The following ARHGAP18 variants were observed in gnomAD, a reference collection of about 807,000 sequenced individuals.
The protein encoded by ARHGAP18 is rho GTPase-activating protein 18.
ARHGAP18 carries 67 observed loss-of-function variants against 86.2 expected under a neutral mutation model. The observed-to-expected ratio is 0.78, with a 90% confidence interval of 0.64 to 0.95. ARHGAP18 has a LOEUF of 0.95. Ranked by LOEUF, ARHGAP18 falls within the 40% of genes least tolerant of loss-of-function variation. The pLI is 0.00. For missense variants in ARHGAP18, 691 were observed against 780.4 expected (o/e 0.89, Z 1.37); for synonymous variants, 283 against 280.4 (o/e 1.01, Z -0.09).
chr6:129,623,884 C>T (rs1789284568), intron 5 of ARHGAP18, among the ~76,000 whole-genome samples: 1 of 152,158 alleles, frequency 6.6e-6, no homozygotes, highest in Non-Finnish European at 1.5e-5. Flanking sequence ...AGTTCACGAT[C>T]AGGAAAGACT....
chr6:129,652,989 C>T (rs1388662724), intron 1 of ARHGAP18, among the ~76,000 whole-genome samples: 1 of 152,060 alleles, frequency 6.6e-6, no homozygotes, highest in Non-Finnish European at 1.5e-5. Flanking sequence ...AAAACATCAA[C>T]ACAAGGCAAT....
At chr6:129,613,925 T>C (rs567442231) in intron 7 of ARHGAP18, among the ~76,000 whole-genome samples, 4 of 152,194 alleles carry the variant, frequency 2.6e-5, no homozygotes, top group East Asian at 1.9e-4. Context: ...CTTATGTGAA[T>C]TGAAAAATGA....
chr6:129,643,519 C>A (rs963158732), intron 1 of ARHGAP18, among the ~76,000 whole-genome samples: 1 of 152,294 alleles, frequency 6.6e-6, no homozygotes, highest in South Asian at 2.1e-4. Context: ...GTCAATTAAA[C>A]CTCTTCCCTT....
At chr6:129,662,541 C>A (rs954719244) in intron 1 of ARHGAP18, among the ~76,000 whole-genome samples, 1 of 152,210 alleles carries the variant, frequency 6.6e-6, no homozygotes, top group Non-Finnish European at 1.5e-5. Context: ...TACATGCTTC[C>A]CTCTACAGCA....
At chr6:129,701,392 A>G (rs1181498334) in intron 1 of ARHGAP18, among the ~76,000 whole-genome samples, 2 of 152,254 alleles carry the variant, frequency 1.3e-5, no homozygotes, top group Non-Finnish European at 1.5e-5. Flanking sequence ...AAAAAGATCC[A>G]GAACAAGCCA....
chr6:129,700,694 G>A (rs898211991), intron 1 of ARHGAP18, among the ~76,000 whole-genome samples: 1 of 152,188 alleles, frequency 6.6e-6, no homozygotes, highest in African/African-American at 2.4e-5. Context: ...AAGCACTCAT[G>A]TAAGTATGTT....
rs1342014794 is a variant in ARHGAP18 at position 129,636,886 on chromosome 6, G to A, written c.552+1508C>T. Among the ~76,000 whole-genome samples the A allele has an allele frequency of 5.3e-5, 8 of 152,116 alleles. No homozygotes were observed. The East Asian group carries it at 5.8e-4, about 11-fold the overall frequency. ...GACCTCAAGAACACCATCTAGATCC[G>A]CTGATTTTTTACCTTTTTTCTGGCA... On this transcript the variant is annotated intron_variant, in intron 3 of 14. Coordinates refer to ENST00000368149, the MANE Select transcript of ARHGAP18 (RefSeq NM_033515.3).
At chr6:129,664,876 T>C (rs533419316) in intron 1 of ARHGAP18, among the ~76,000 whole-genome samples, 3 of 152,280 alleles carry the variant, frequency 2.0e-5, no homozygotes, top group South Asian at 2.1e-4. Context: ...CAGTTTATTA[T>C]AGATGGAAGA....
intron 12 of ARHGAP18, among the ~76,000 whole-genome samples, chr6:129,590,268 G>A (rs1788482580): frequency 6.6e-6 from 1 of 152,266 alleles, no homozygotes; most frequent in African/African-American, 2.4e-5. Flanking sequence ...TAGCTTTGGG[G>A]AGTATGACCA....
At chr6:129,646,149 A>T (rs142470141) in intron 1 of ARHGAP18, among the ~76,000 whole-genome samples, 2 of 152,344 alleles carry the variant, frequency 1.3e-5, no homozygotes, top group African/African-American at 4.8e-5. Context: ...TCAGTCAGCA[A>T]AATGAAATGG....
In ARHGAP18 at chr6:129,686,821, G is replaced by A. The variant is rs563603133; in HGVS notation, c.113+23203C>T. 6.3e-5 allele frequency among the ~76,000 whole-genome samples: 8 copies of A among 127,596 alleles called. No homozygotes were observed. In the East Asian group the frequency reaches 8.9e-4, roughly 14 times the overall value. 83.7% of individuals were successfully genotyped at this position (127,596 alleles called of 152,430 possible). ...TTTTTTTTTTTTGAGATGGAGTCTC[G>A]CTCTCGTGGCCCAGGCCGGTGTGCA... On this transcript the variant is annotated intron_variant, in intron 1 of 14. Transcript: ENST00000368149.
intron 1 of ARHGAP18, among the ~76,000 whole-genome samples, chr6:129,644,743 T>C (rs1773544766): frequency 6.6e-6 from 1 of 152,246 alleles, no homozygotes. Context: ...AGGAATGTGT[T>C]TATTCTGGCA....
chr6:129,631,224 T>A (rs1201737867), intron 4 of ARHGAP18, among the ~76,000 whole-genome samples: 1 of 152,148 alleles, frequency 6.6e-6, no homozygotes, highest in Non-Finnish European at 1.5e-5. Flanking sequence ...TGAGTAGTTG[T>A]GGGCAAGAAT....
chr6:129,640,060 A>AC (rs1446718705), intron 2 of ARHGAP18, among the ~76,000 whole-genome samples: 9 of 151,006 alleles, frequency 6.0e-5, no homozygotes, highest in Non-Finnish European at 1.2e-4. Context: ...AAAAAAAAAA[A>AC]AAAACAAACA....
chr6:129,643,483 G>C (rs1336963958), intron 1 of ARHGAP18, among the ~76,000 whole-genome samples: 1 of 152,080 alleles, frequency 6.6e-6, no homozygotes, highest in Non-Finnish European at 1.5e-5. Context: ...GTTTCCTGAG[G>C]CTTCCCCAGC....
chr6:129,690,740 G>A (rs1015021458), intron 1 of ARHGAP18, among the ~76,000 whole-genome samples: 1 of 152,100 alleles, frequency 6.6e-6, no homozygotes, highest in Non-Finnish European at 1.5e-5. Flanking sequence ...AATTTCACCA[G>A]CTTAATAACG....
intron 8 of ARHGAP18, among the ~76,000 whole-genome samples, chr6:129,610,407 CAG>C (rs1027273774): frequency 2.6e-5 from 4 of 152,126 alleles, no homozygotes; most frequent in African/African-American, 9.7e-5. Flanking sequence ...AACTGTCATC[CAG>C]AGAGAAGAAA....
At chr6:129,610,567 G>A (rs1788955062) in intron 8 of ARHGAP18, among the ~76,000 whole-genome samples, 1 of 152,202 alleles carries the variant, frequency 6.6e-6, no homozygotes, top group Non-Finnish European at 1.5e-5. Context: ...GGCTCACTAA[G>A]ACTAATTATG....
chr6:129,629,255 A>C lies in ARHGAP18; in HGVS notation c.786+98T>G, dbSNP rs577594464. The C allele has an allele frequency of 3.9e-4, 383 of 994,354 alleles. No individual in the cohort carries two copies. In the African/African-American group the frequency reaches 5.9e-3, roughly 15 times the overall value. The allele number at this position is 994,354 out of a possible 1,614,324, so 61.6% of individuals were successfully genotyped here. ...TCTGTCTCTCTCTCTCTCTATATAT[A>C]TATATATGTGTGTGTGCGTGTGTGT... is the stretch of plus-strand genomic sequence containing the variant. On this transcript the variant is annotated intron_variant, in intron 5 of 14. Transcript: ENST00000368149.
Sources: gnomAD v4.1 joint callset for allele counts (sites outside exome capture counted in the v4.1 genomes callset) on GRCh38, gnomAD v4.1.1 for gene constraint, MANE v1.5 for transcripts, NCBI Gene and HGNC (gene_info 2026-07-23, HGNC 2026-07-21) for gene names.